The following CSMD1 variants were observed in gnomAD, a reference collection of about 807,000 sequenced individuals.
The protein encoded by CSMD1 is CUB and sushi domain-containing protein 1.
A neutral mutation model predicts 417.5 loss-of-function variants in CSMD1; 213 were observed. The observed-to-expected ratio is 0.51, with a 90% CI of 0.46 to 0.57. The LOEUF is 0.57. Ranked by LOEUF, CSMD1 falls within the 20% of genes least tolerant of loss-of-function variation. CSMD1 has a pLI of 0.00. For synonymous variants in CSMD1, 2,862 were observed against 1,736.8 expected (o/e 1.65, Z -16.11); for missense variants, 6,923 against 4,529.7 (o/e 1.53, Z -15.17).
chr8:3,915,874 G>A (rs1268263859), intron 5 of CSMD1, among the ~76,000 whole-genome samples: 1 of 148,834 alleles, frequency 6.7e-6, no homozygotes, highest in Non-Finnish European at 1.5e-5. Flanking sequence ...AATTGTTTTT[G>A]AATAACAAGG....
chr8:4,429,804 C>T (rs1474437185), intron 2 of CSMD1, among the ~76,000 whole-genome samples: 2 of 152,118 alleles, frequency 1.3e-5, no homozygotes, highest in African/African-American at 4.8e-5. Flanking sequence ...GCAATCCCCT[C>T]CCATCATACC....
At chr8:4,627,137 A>C (rs1020296055) in intron 2 of CSMD1, among the ~76,000 whole-genome samples, 15 of 152,142 alleles carry the variant, frequency 9.9e-5, no homozygotes, top group African/African-American at 3.6e-4. Context: ...CAATATTTCA[A>C]CTAATATTAT....
At chr8:4,568,199 C>T (rs1188499976) in intron 2 of CSMD1, among the ~76,000 whole-genome samples, 1 of 152,070 alleles carries the variant, frequency 6.6e-6, no homozygotes, top group East Asian at 1.9e-4. Flanking sequence ...GCCAGTTTGA[C>T]ACATGGGTAT....
At position 4,803,464 on chromosome 8, in the gene CSMD1, G is replaced by C. The variant is rs180838414; in HGVS notation, c.86-165906C>G. ...AGGGGTTTTGCATGATAGGAGAGGA[G>C]GGTTAGGGGTCAGAAAGCCCTAGGT... On this transcript the variant is annotated intron_variant, in intron 1 of 69. Coordinates refer to ENST00000635120, the MANE Select transcript of CSMD1 (RefSeq NM_033225.6). Among the ~76,000 whole-genome samples the C allele has an allele frequency of 1.2e-3, 185 of 152,244 alleles. 2 individuals carry two copies. The highest frequency in any genetic ancestry group is 4.3e-3 in the African/African-American group (180 of 41,536).
chr8:3,828,000 T>C (rs569943147), intron 5 of CSMD1, among the ~76,000 whole-genome samples: 2 of 152,320 alleles, frequency 1.3e-5, no homozygotes, highest in South Asian at 4.1e-4. Flanking sequence ...AACAACCTCA[T>C]GCATGGCAAG....
chr8:3,650,765 G>C (rs529346659), intron 7 of CSMD1, among the ~76,000 whole-genome samples: 1 of 152,250 alleles, frequency 6.6e-6, no homozygotes, highest in Non-Finnish European at 1.5e-5. Flanking sequence ...GCAAAAATGT[G>C]ATTTTTTTCT....
rs769678624 is a variant in CSMD1, at chr8:3,343,322, G to A, written c.3603C>T (p.Thr1201=). 6.9e-5 allele frequency: 112 copies of A among 1,613,460 alleles called. No individual in the cohort carries two copies. The highest frequency in any genetic ancestry group is 2.3e-4 in the Admixed American group (14 of 59,972). ...WLEFNTNGSD[T]DQGFQLTYTS... is the part of the protein sequence containing the mutation. Reference sequence around the variant, plus strand: ...TATAGGTGAGTTGAAAACCTTGGTCGGTGTCAGATCCATTGGTGTTGAACT... The same window carrying A: ...TATAGGTGAGTTGAAAACCTTGGTCAGTGTCAGATCCATTGGTGTTGAACT... Residue 1201 remains threonine, a synonymous_variant, in exon 23 of 70, where the codon ACC becomes ACT. Coordinates refer to ENST00000635120, the MANE Select transcript of CSMD1 (RefSeq NM_033225.6).
chr8:4,569,830 T>G (rs1798796644), intron 2 of CSMD1, among the ~76,000 whole-genome samples: 1 of 152,210 alleles, frequency 6.6e-6, no homozygotes, highest in Admixed American at 6.5e-5. Flanking sequence ...AGCACTGATT[T>G]GTAGTTCTCC....
chr8:3,338,177 G>A (rs780359824), intron 23 of CSMD1, among the ~76,000 whole-genome samples: 18 of 152,164 alleles, frequency 1.2e-4, no homozygotes, highest in Non-Finnish European at 2.1e-4. Context: ...CAACGTATTT[G>A]ATATCTGAAT....
At chr8:4,213,615 T>C (rs1398470005) in intron 3 of CSMD1, among the ~76,000 whole-genome samples, 1 of 152,218 alleles carries the variant, frequency 6.6e-6, no homozygotes, top group Non-Finnish European at 1.5e-5. Context: ...GCTTTCTGTT[T>C]TTAATGAATT....
intron 50 of CSMD1, among the ~76,000 whole-genome samples, chr8:3,044,732 A>C (rs772619708): frequency 2.0e-5 from 3 of 152,218 alleles, no homozygotes; most frequent in Non-Finnish European, 4.4e-5. Flanking sequence ...CCTTCATTTT[A>C]CTAAAAACCT....
intron 1 of CSMD1, among the ~76,000 whole-genome samples, chr8:4,807,141 C>G (rs182853622): frequency 6.6e-5 from 10 of 152,286 alleles, no homozygotes; most frequent in African/African-American, 2.4e-4. Flanking sequence ...GAAGACTACT[C>G]GAGTAATTTA....
chr8:4,077,433 AATTT>A (rs1208005488), intron 3 of CSMD1, among the ~76,000 whole-genome samples: 1 of 151,622 alleles, frequency 6.6e-6, no homozygotes, highest in Non-Finnish European at 1.5e-5. Context: ...TGCAATAATT[AATTT>A]GAGTATCCTA....
chr8:3,383,374 C>T (rs1810764633), intron 18 of CSMD1, among the ~76,000 whole-genome samples: 1 of 152,040 alleles, frequency 6.6e-6, no homozygotes, highest in African/African-American at 2.4e-5. Context: ...TTCTTCCACA[C>T]TAGGAAAACC....
Position 3,568,541 on chromosome 8 carries a change from G to A in CSMD1, c.1344+6404C>T, listed in dbSNP as rs76270987. 2.6e-5 allele frequency among the ~76,000 whole-genome samples: 4 copies of A among 152,236 alleles called. No individual in the cohort carries two copies. In the East Asian group the frequency reaches 5.8e-4, roughly 22 times the overall value. ...AGTATTGCACAAGAAGCTCAAATTA[G>A]AATCAGTAGCTGAAATTATGTCACC... On this transcript the variant is annotated intron_variant, in intron 10 of 69. Transcript: ENST00000635120.
At chr8:3,445,051 T>C (rs1815214397) in intron 12 of CSMD1, among the ~76,000 whole-genome samples, 1 of 152,284 alleles carries the variant, frequency 6.6e-6, no homozygotes, top group South Asian at 2.1e-4. Flanking sequence ...ACTCTGGAGA[T>C]GCAATCGGCA....
chr8:3,577,912 T>C (rs560542793), intron 9 of CSMD1, among the ~76,000 whole-genome samples: 1 of 152,344 alleles, frequency 6.6e-6, no homozygotes, highest in African/African-American at 2.4e-5. Flanking sequence ...CAGCCGTGCA[T>C]GTGTAGAGAC....
At chr8:4,064,699 G>A (rs1012378703) in intron 3 of CSMD1, among the ~76,000 whole-genome samples, 1 of 152,182 alleles carries the variant, frequency 6.6e-6, no homozygotes, top group Non-Finnish European at 1.5e-5. Flanking sequence ...GCCCTGGCGT[G>A]TTGGTCACCC....
intron 12 of CSMD1, among the ~76,000 whole-genome samples, chr8:3,437,722 G>A (rs571056363): frequency 2.6e-5 from 4 of 151,664 alleles, no homozygotes; most frequent in Non-Finnish European, 4.4e-5. Context: ...TCCCACCAAA[G>A]CCACTATAGA....
Sources: gnomAD v4.1 joint callset for allele counts (sites outside exome capture counted in the v4.1 genomes callset) on GRCh38, gnomAD v4.1.1 for gene constraint, MANE v1.5 for transcripts, NCBI Gene and HGNC (gene_info 2026-07-23, HGNC 2026-07-21) for gene names.